Variants in MALRD1 observed in about 807,000 individuals in gnomAD.
MALRD1 encodes the protein MAM and LDL receptor class A domain containing 1.
MALRD1 carries 247 observed loss-of-function variants against 242.1 expected under a neutral mutation model. The ratio of observed to expected loss-of-function variants is 1.02; its 90% CI spans 0.92 to 1.13. The LOEUF (loss-of-function observed/expected upper bound fraction) is 1.13. Ranked by LOEUF, MALRD1 falls within the 50% of genes most tolerant of loss-of-function variation. The pLI is 0.00. For synonymous variants in MALRD1, 995 were observed against 866.6 expected (o/e 1.15, Z -2.60); for missense variants, 2,989 against 2,533.1 (o/e 1.18, Z -3.86).
At position 19,104,044 on chromosome 10, in the gene MALRD1, A is replaced by T; in HGVS notation, c.663A>T (p.Ile221=). Residue 221 remains isoleucine, a synonymous_variant, in exon 5 of 40, where the codon ATA becomes ATT. Transcript: ENST00000454679. ...EQDEVIAIDD[I]SFSSGCLPAN... ...ATGAAGTCATTGCTATTGATGATAT[A>T]TCTTTCAGTTCAGGCTGCTTGCCTG... is the stretch of plus-strand genomic sequence containing the variant. The T allele has an allele frequency of 8.1e-7, 1 of 1,233,832 alleles. No individual in the cohort carries two copies. Among genetic ancestry groups the T allele is most frequent in the Non-Finnish European group, 1.0e-6 (1 of 988,102 alleles). 76.4% of individuals were successfully genotyped at this position (1,233,832 alleles called of 1,614,324 possible).
intron 29 of MALRD1, among the ~76,000 whole-genome samples, chr10:19,451,821 G>C (rs1835343786): frequency 6.6e-6 from 1 of 152,116 alleles, no homozygotes; most frequent in Non-Finnish European, 1.5e-5. Context: ...TTCCAGAAAA[G>C]GTGGTTGTTA....
chr10:19,392,234 G>A (rs548878715), intron 28 of MALRD1, among the ~76,000 whole-genome samples: 14 of 152,126 alleles, frequency 9.2e-5, no homozygotes, highest in Non-Finnish European at 1.8e-4. Context: ...TTACTAAAGG[G>A]GTAGAGGAGT....
chr10:19,700,900 T>C (rs1014927640), intron 38 of MALRD1, among the ~76,000 whole-genome samples: 1 of 152,172 alleles, frequency 6.6e-6, no homozygotes, highest in African/African-American at 2.4e-5. Flanking sequence ...GGCTCATACC[T>C]GTAATCCCAA....
intron 10 of MALRD1, among the ~76,000 whole-genome samples, chr10:19,141,993 A>G (rs1833560031): frequency 1.3e-5 from 2 of 151,936 alleles, no homozygotes; most frequent in East Asian, 3.9e-4. Context: ...TAACACAGTG[A>G]AACCCCATCT....
intron 18 of MALRD1, among the ~76,000 whole-genome samples, chr10:19,233,030 A>T (rs1177215238): frequency 1.3e-5 from 2 of 152,206 alleles, no homozygotes; most frequent in South Asian, 4.1e-4. Context: ...TTAATTAAAA[A>T]ACAATTTTTT....
At chr10:19,307,391 C>T (rs1464213803) in intron 21 of MALRD1, among the ~76,000 whole-genome samples, 2 of 151,536 alleles carry the variant, frequency 1.3e-5, no homozygotes, top group African/African-American at 4.8e-5. Flanking sequence ...TGTCAGGAGG[C>T]AGTCTCTCCA....
At chr10:19,405,032 A>T (rs1298416484) in intron 28 of MALRD1, among the ~76,000 whole-genome samples, 1 of 152,190 alleles carries the variant, frequency 6.6e-6, no homozygotes, top group Non-Finnish European at 1.5e-5. Context: ...TAGGTTTTTC[A>T]TGACAACAAA....
At chr10:19,697,419 G>A (rs958966) in intron 38 of MALRD1, among the ~76,000 whole-genome samples, 55,642 of 149,732 alleles carry the variant, frequency 0.37, 10,853 homozygotes, top group South Asian at 0.5. Flanking sequence ...AGGGCCATGT[G>A]CCTTAATTAA....
At chr10:19,274,528 T>C (rs1840407997) in intron 19 of MALRD1, among the ~76,000 whole-genome samples, 1 of 152,128 alleles carries the variant, frequency 6.6e-6, no homozygotes, top group African/African-American at 2.4e-5. Context: ...AAGGAGAAAA[T>C]GGCCATCAGC....
At chr10:19,180,728 C>T (rs1407909049) in intron 14 of MALRD1, among the ~76,000 whole-genome samples, 2 of 152,100 alleles carry the variant, frequency 1.3e-5, no homozygotes, top group Non-Finnish European at 2.9e-5. Flanking sequence ...GGGATTACCT[C>T]AAACTAAAAG....
At chr10:19,351,930 T>A in intron 25 of MALRD1, 76 bp from the exon 26 acceptor site, 1 of 1,248,688 alleles carries the variant, frequency 8.0e-7, no homozygotes, top group East Asian at 2.5e-5. Context: ...AAGAGGGCAA[T>A]GTGATAGAAT....
intron 34 of MALRD1, among the ~76,000 whole-genome samples, chr10:19,595,991 GTTAC>G (rs937022087): frequency 1.1e-4 from 16 of 152,188 alleles, no homozygotes; most frequent in Admixed American, 6.6e-5. Context: ...TTTCATCCCT[GTTAC>G]TTACTATGTG....
chr10:19,083,126 TTA>T (rs1350211713), intron 2 of MALRD1, among the ~76,000 whole-genome samples: 2 of 152,024 alleles, frequency 1.3e-5, no homozygotes, highest in Non-Finnish European at 2.9e-5. Flanking sequence ...TCTTCAAAGA[TTA>T]TGTTTCCACA....
intron 18 of MALRD1, among the ~76,000 whole-genome samples, chr10:19,237,502 G>A (rs1310651602): frequency 3.1e-5 from 2 of 64,368 alleles, no homozygotes; most frequent in East Asian, 9.5e-4. Context: ...GTATTTCATT[G>A]TGTGTGTGTC....
At chr10:19,363,951 A>G (rs1182200668) in intron 26 of MALRD1, among the ~76,000 whole-genome samples, 1 of 152,100 alleles carries the variant, frequency 6.6e-6, no homozygotes, top group African/African-American at 2.4e-5. Context: ...ATTGCAGTAA[A>G]AAAGAGACAG....
At chr10:19,048,492 C>A (rs1269560965), upstream of MALRD1, among the ~76,000 whole-genome samples, 13 of 152,230 alleles carry the variant, frequency 8.5e-5, no homozygotes, top group Admixed American at 4.6e-4. Flanking sequence ...GTTTTAGTGT[C>A]CACAATAATG....
chr10:19,061,192 T>A (rs1260993819), intron 1 of MALRD1, among the ~76,000 whole-genome samples: 1 of 152,074 alleles, frequency 6.6e-6, no homozygotes. Context: ...ACCTAGGTGA[T>A]GGGATGATCT....
chr10:19,653,914 A>T (rs1028620397), intron 36 of MALRD1, among the ~76,000 whole-genome samples: 2 of 152,176 alleles, frequency 1.3e-5, no homozygotes, highest in Non-Finnish European at 2.9e-5. Context: ...ATGATTCTAC[A>T]TCTCAACCCA....
intron 21 of MALRD1, among the ~76,000 whole-genome samples, chr10:19,303,211 C>T (rs1842026023): frequency 6.6e-6 from 1 of 151,198 alleles, no homozygotes; most frequent in African/African-American, 2.4e-5. Flanking sequence ...ATATACTATC[C>T]CAAGACCAAA....
Sources: allele counts gnomAD v4.1 joint callset (sites outside exome capture counted in the v4.1 genomes callset), GRCh38; gene constraint gnomAD v4.1.1; transcripts MANE v1.5; gene names NCBI Gene and HGNC (gene_info 2026-07-23, HGNC 2026-07-21).